FAM204A: variants seen among roughly 807,000 people sequenced by gnomAD.
FAM204A encodes the protein protein FAM204A.
A neutral mutation model predicts 35.4 loss-of-function variants in FAM204A; 16 were observed. That is an observed-to-expected ratio of 0.45 (90% CI 0.31 to 0.69). The LOEUF is 0.69. Among genes scored for constraint, FAM204A ranks in the 30% least tolerant of loss-of-function variants. The pLI, the probability that FAM204A is intolerant of heterozygous loss-of-function variation, is 0.07. For missense variants in FAM204A, 240 were observed against 265.7 expected (o/e 0.90, Z 0.67); for synonymous variants, 76 against 86.9 (o/e 0.88, Z 0.70).
chr10:118,328,300 CCTCT>C (rs775002838), intron 6 of FAM204A, among the ~76,000 whole-genome samples: 2 of 152,096 alleles, frequency 1.3e-5, no homozygotes, highest in Admixed American at 6.6e-5. Flanking sequence ...ACTCCTTCTC[CCTCT>C]CTAACTTGCA....
At position 118,299,301 on chromosome 10, in the gene FAM204A, C is replaced by T. The variant is rs537607738; in HGVS notation, c.*11556G>A. ...GCTGCCCTTCCTGTCAATCAATTAC[C>T]AACCCTGCTTCTGTATTTTTTTTTG... On this transcript the variant is annotated 3_prime_UTR_variant, in exon 9 of 9. Coordinates refer to ENST00000369183, the MANE Select transcript of FAM204A (RefSeq NM_022063.3). 4.0e-5 allele frequency: 6 copies of T among 151,650 alleles called. No individual in the cohort carries two copies. In the South Asian group the frequency reaches 1.0e-3, roughly 26 times the overall value. 9.4% of individuals were successfully genotyped at this position (151,650 alleles called of 1,614,324 possible).
rs944137857 is a variant in FAM204A at position 118,336,536 on chromosome 10, C to T, written c.-8-113G>A. On this transcript the variant is annotated intron_variant, in intron 2 of 8. Coordinates refer to ENST00000369183, the MANE Select transcript of FAM204A (RefSeq NM_022063.3). ...TTATAACAATGGTTTGGGAACAGTCCATCTAAACTTTTTTTTTTTAATCTA... is the reference window on the plus strand; with the variant it reads ...TTATAACAATGGTTTGGGAACAGTCTATCTAAACTTTTTTTTTTTAATCTA... 8 of 936,594 alleles carry T rather than the reference C, an allele frequency of 8.5e-6. No homozygotes were observed. In the African/African-American group the frequency reaches 1.4e-4, roughly 16 times the overall value. 58.0% of individuals were successfully genotyped at this position (936,594 alleles called of 1,614,324 possible).
intron 6 of FAM204A, among the ~76,000 whole-genome samples, chr10:118,329,457 G>A (rs757044031): frequency 5.9e-5 from 9 of 152,018 alleles, no homozygotes; most frequent in Non-Finnish European, 1.0e-4. Flanking sequence ...AATGTTCCCT[G>A]TGCCTCTGAT....
rs776544333 is a variant in FAM204A at position 118,335,640 on chromosome 10, T to G, written c.236A>C (p.Lys79Thr). Residue 79 changes from lysine to threonine, a missense_variant and splice_region_variant, in exon 4 of 9, where the codon AAA becomes ACA. Coordinates refer to ENST00000369183, the MANE Select transcript of FAM204A (RefSeq NM_022063.3). ...PSGIPIDMWN[K>T]FQELHKKHSE... ...ATGTTTTTTATGCAATTCTTGAAAT[T>G]TCTATGTAAAAGAAAAAAAAATTGA... is the stretch of plus-strand genomic sequence containing the variant. 1 of 1,598,022 alleles carries G rather than the reference T, an allele frequency of 6.3e-7. No individual in the cohort carries two copies. Among genetic ancestry groups the G allele is most frequent in the East Asian group, 2.2e-5 (1 of 44,708 alleles).
intron 7 of FAM204A, among the ~76,000 whole-genome samples, chr10:118,323,998 T>C (rs572437749): frequency 5.9e-5 from 9 of 152,230 alleles, no homozygotes; most frequent in African/African-American, 1.9e-4. Context: ...AGTTTATTCA[T>C]ATAGAAGAAG....
intron 6 of FAM204A, among the ~76,000 whole-genome samples, chr10:118,334,139 A>T (rs2133290112): frequency 6.6e-6 from 1 of 152,326 alleles, no homozygotes; most frequent in South Asian, 2.1e-4. Context: ...TGACAACTAC[A>T]AATGTGCATC....
At chr10:118,333,767 T>C (rs1846329035) in intron 6 of FAM204A, among the ~76,000 whole-genome samples, 1 of 152,208 alleles carries the variant, frequency 6.6e-6, no homozygotes, top group African/African-American at 2.4e-5. Flanking sequence ...CCAGATGTAA[T>C]TTATATGGAT....
rs1845915652 is a variant in FAM204A at position 118,309,600 on chromosome 10, T to C, written c.*1257A>G. 6.6e-6 allele frequency: 1 copy of C among 152,122 alleles called. No homozygotes were observed. Among genetic ancestry groups the C allele is most frequent in the Admixed American group, 6.6e-5 (1 of 15,266 alleles). The allele number at this position is 152,122 out of a possible 1,614,324, so 9.4% of individuals were successfully genotyped here. On this transcript the variant is annotated 3_prime_UTR_variant, in exon 9 of 9. Coordinates refer to ENST00000369183, the MANE Select transcript of FAM204A (RefSeq NM_022063.3). ...TCTTGTTCACCTGCTTGTTTTATGA[T>C]TTTCTGGAGCCCCTTTCCTGTCAGA...
chr10:118,314,235 T>C (rs948730456), intron 7 of FAM204A, among the ~76,000 whole-genome samples: 3 of 152,176 alleles, frequency 2.0e-5, no homozygotes, highest in Non-Finnish European at 4.4e-5. Context: ...CCTGATCCTA[T>C]AAAAGGTATA....
rs1465414167 is a variant in FAM204A, at chr10:118,299,151, A to T, written c.*11706T>A. Reference sequence around the variant, plus strand: ...CCAAATGGGGAAAACTGTCTGCCTGATTCTTGAGTATGCTAATGCCTACAC... The same window carrying T: ...CCAAATGGGGAAAACTGTCTGCCTGTTTCTTGAGTATGCTAATGCCTACAC... On this transcript the variant is annotated 3_prime_UTR_variant, in exon 9 of 9. Transcript: ENST00000369183. 1 of 152,108 alleles carries T rather than the reference A, an allele frequency of 6.6e-6. No individual in the cohort carries two copies. The highest frequency in any genetic ancestry group is 1.5e-5 in the Non-Finnish European group (1 of 68,028). 9.4% of individuals were successfully genotyped at this position (152,108 alleles called of 1,614,324 possible).
rs904734120 is a variant in FAM204A, at chr10:118,298,596, C to T, written c.*12261G>A. The T allele has an allele frequency of 3.9e-5, 6 of 152,126 alleles. No homozygotes were observed. Among genetic ancestry groups the T allele is most frequent in the South Asian group, 2.1e-4 (1 of 4,820 alleles). 9.4% of individuals were successfully genotyped at this position (152,126 alleles called of 1,614,324 possible). On this transcript the variant is annotated 3_prime_UTR_variant, in exon 9 of 9. Transcript: ENST00000369183. ...ACCACCTCTGACATCCACTCTTTGC[C>T]GATAGAGAAACTTGCTTCAGGACAA...
In FAM204A at chr10:118,300,314, A is replaced by G. The variant is rs1845794991; in HGVS notation, c.*10543T>C. 1 of 152,218 alleles carries G rather than the reference A, an allele frequency of 6.6e-6. No homozygotes were observed. Among genetic ancestry groups the G allele is most frequent in the African/African-American group, 2.4e-5 (1 of 41,466 alleles). 9.4% of individuals were successfully genotyped at this position (152,218 alleles called of 1,614,324 possible). ...GAAAACTTGGCTTTCAAAAAAATAT[A>G]CTGAGGATGATTTAATGCAGAAATA... On this transcript the variant is annotated 3_prime_UTR_variant, in exon 9 of 9. Transcript: ENST00000369183.
In FAM204A at chr10:118,336,210, G is replaced by A. The variant is rs745824393; in HGVS notation, c.206C>T (p.Pro69Leu). ...ESNVNAYEEC[P>L]SGIPIDMWNK... The stretch of plus-strand genomic sequence containing the variant: ...CCACATATCTATGGGAATTCCAGAA[G>A]GACACTCTTCATAGGCATTTACATT... Residue 69 changes from proline (P) to leucine (L), a missense_variant, in exon 3 of 9, where the codon CCT becomes CTT. Pro to Leu is a moderately conservative substitution (Grantham distance 98). This residue lies in a region of FAM204A where 232 missense variants were observed against 242.8 expected (regional missense o/e 0.96). Coordinates refer to ENST00000369183, the MANE Select transcript of FAM204A (RefSeq NM_022063.3). 1 of 1,613,704 alleles carries A rather than the reference G, an allele frequency of 6.2e-7. No individual in the cohort carries two copies. The highest frequency in any genetic ancestry group is 8.5e-7 in the Non-Finnish European group (1 of 1,179,754).
chr10:118,322,450 A>G (rs1294541361), intron 7 of FAM204A: 1 of 451,632 alleles, frequency 2.2e-6, no homozygotes, highest in Non-Finnish European at 4.5e-6. Context: ...TCATGAGGAA[A>G]CAGCAGACAA....
intron 6 of FAM204A, 150 bp downstream of exon 6, chr10:118,334,964 G>T: frequency 5.6e-6 from 3 of 537,758 alleles, no homozygotes; most frequent in Non-Finnish European, 9.8e-6. Context: ...TTAATAATTT[G>T]TAACTATATA....
chr10:118,314,198 G>GAAA (rs1845996048), intron 7 of FAM204A, among the ~76,000 whole-genome samples: 3 of 152,098 alleles, frequency 2.0e-5, no homozygotes, highest in Non-Finnish European at 2.9e-5. Flanking sequence ...TAAACAACTA[G>GAAA]GTACATAAGC....
chr10:118,317,509 A>C (rs1846050359), intron 7 of FAM204A, among the ~76,000 whole-genome samples: 1 of 151,572 alleles, frequency 6.6e-6, no homozygotes, highest in East Asian at 1.9e-4. Context: ...CCAAAGGTTA[A>C]AAGAAAATAT....
At chr10:118,326,374 G>A (rs1846197742) in intron 6 of FAM204A, 131 bp from the exon 7 acceptor site, 1 of 753,104 alleles carries the variant, frequency 1.3e-6, no homozygotes, top group Non-Finnish European at 2.2e-6. Flanking sequence ...ACACCAGAAG[G>A]TAGCTGCTAC....
In FAM204A at chr10:118,299,075, G is replaced by A. The variant is rs2119752297; in HGVS notation, c.*11782C>T. ...TACGTGTGAGTGACGGTTCCCTCTG[G>A]GCCCACATCATTTTCTTGTCTTGGG... On this transcript the variant is annotated 3_prime_UTR_variant, in exon 9 of 9. Coordinates refer to ENST00000369183, the MANE Select transcript of FAM204A (RefSeq NM_022063.3). 6.6e-6 allele frequency: 1 copy of A among 152,136 alleles called. No individual in the cohort carries two copies. Among genetic ancestry groups the A allele is most frequent in the South Asian group, 2.1e-4 (1 of 4,808 alleles). 9.4% of individuals were successfully genotyped at this position (152,136 alleles called of 1,614,324 possible). A position where few individuals can be genotyped will look rare whatever the true frequency, so the allele number is the denominator to read the frequency against.
Sources: gnomAD v4.1 joint callset for allele counts (sites outside exome capture counted in the v4.1 genomes callset) on GRCh38, gnomAD v4.1.1 for gene constraint, gnomAD v4.1.1 regional missense constraint, MANE v1.5 for transcripts, NCBI Gene and HGNC (gene_info 2026-07-23, HGNC 2026-07-21) for gene names.